LRP1B: variants seen among roughly 807,000 people sequenced by gnomAD.
The protein encoded by LRP1B is LDL receptor related protein 1B.
A neutral mutation model predicts 556.6 loss-of-function variants in LRP1B; 217 were observed. The ratio of observed to expected loss-of-function variants is 0.39; its 90% CI spans 0.35 to 0.44. The LOEUF (loss-of-function observed/expected upper bound fraction) is 0.44. Ranked by LOEUF, LRP1B falls within the 20% of genes least tolerant of loss-of-function variation. The pLI is 1.00. For synonymous variants in LRP1B, 2,047 were observed against 1,865.8 expected, an observed-to-expected ratio of 1.10 and a Z score of -2.50; for missense variants, 5,053 against 5,620.8, an observed-to-expected ratio of 0.90 and a Z score of 3.23.
At chr2:140,916,854 T>C (rs1415133923) in intron 21 of LRP1B, among the ~76,000 whole-genome samples, 2 of 152,198 alleles carry the variant, frequency 1.3e-5, no homozygotes, top group South Asian at 2.1e-4. Context: ...TATTTTCTTT[T>C]CACCACTTAA....
chr2:142,107,748 C>T (rs1233495050), intron 1 of LRP1B, among the ~76,000 whole-genome samples: 1 of 151,498 alleles, frequency 6.6e-6, no homozygotes, highest in Non-Finnish European at 1.5e-5. Flanking sequence ...CTGTCTCAGC[C>T]CCCTGAGTAG....
intron 1 of LRP1B, among the ~76,000 whole-genome samples, chr2:142,051,479 G>GTTT (rs540052313): frequency 1.4e-4 from 5 of 35,798 alleles, no homozygotes; most frequent in African/African-American, 3.3e-4. Flanking sequence ...TTGTTTTTTT[G>GTTT]TTTTTTTTTT....
chr2:141,281,899 C>A (rs777860038), intron 3 of LRP1B, among the ~76,000 whole-genome samples: 1 of 151,774 alleles, frequency 6.6e-6, no homozygotes, highest in African/African-American at 2.4e-5. Context: ...GTTTCTAAAC[C>A]GTAAAGTGAT....
intron 58 of LRP1B, among the ~76,000 whole-genome samples, 197 bp downstream of exon 58, chr2:140,487,414 AAGTAAT>A (rs754304880): frequency 7.2e-5 from 11 of 152,090 alleles, no homozygotes; most frequent in Non-Finnish European, 1.3e-4. Context: ...ATGTTATTGC[AAGTAAT>A]AGTGTTATAA....
At chr2:140,434,429 C>T (rs781395663) in intron 66 of LRP1B, among the ~76,000 whole-genome samples, 14 of 151,974 alleles carry the variant, frequency 9.2e-5, no homozygotes, top group Admixed American at 2.0e-4. Context: ...ATGAAGATTT[C>T]TGAGGAATTA....
rs76183804 is a variant in LRP1B at position 142,072,907 on chromosome 2, A to G, written c.82+57741T>C. The stretch of plus-strand genomic sequence containing the variant: ...TCTTTAAAAACCAAACAAAATCTCT[A>G]TGCCTGTAATTATTTCCTTCAGGAA... On this transcript the variant is annotated intron_variant, in intron 1 of 90. Coordinates refer to ENST00000389484, the MANE Select transcript of LRP1B (RefSeq NM_018557.3). 2.1e-3 allele frequency among the ~76,000 whole-genome samples: 324 copies of G among 152,202 alleles called. 15 individuals are homozygous for G. The East Asian group carries it at 0.06, about 28-fold the overall frequency.
intron 1 of LRP1B, among the ~76,000 whole-genome samples, chr2:141,891,889 C>T (rs1336403513): frequency 1.3e-5 from 2 of 152,002 alleles, no homozygotes; most frequent in Non-Finnish European, 2.9e-5. Context: ...TGTTATTCTA[C>T]AGACAGATCA....
chr2:140,388,446 T>C (rs1288326389), intron 66 of LRP1B, among the ~76,000 whole-genome samples: 1 of 152,142 alleles, frequency 6.6e-6, no homozygotes, highest in Non-Finnish European at 1.5e-5. Context: ...CCATTTTGTA[T>C]TTTTTCTATA....
At chr2:140,577,625 T>C (rs987535304) in intron 43 of LRP1B, among the ~76,000 whole-genome samples, 2 of 151,942 alleles carry the variant, frequency 1.3e-5, no homozygotes, top group Admixed American at 6.5e-5. Flanking sequence ...CTCACTATTT[T>C]ACTCAGGCTA....
chr2:141,910,443 T>C (rs146211044), intron 1 of LRP1B, among the ~76,000 whole-genome samples: 2 of 152,210 alleles, frequency 1.3e-5, no homozygotes, highest in East Asian at 3.9e-4. Flanking sequence ...TTATTATGAG[T>C]ATCCCCAAAA....
chr2:141,851,416 A>T (rs1048873322), intron 1 of LRP1B, among the ~76,000 whole-genome samples: 6 of 151,844 alleles, frequency 4.0e-5, no homozygotes, highest in Admixed American at 2.0e-4. Context: ...ATTCTGCTAT[A>T]CACTGAAATA....
At chr2:141,649,960 A>G (rs1435391335) in intron 2 of LRP1B, among the ~76,000 whole-genome samples, 3 of 152,198 alleles carry the variant, frequency 2.0e-5, no homozygotes, top group Non-Finnish European at 4.4e-5. Flanking sequence ...CAGATGGATC[A>G]TCTGAGGTCA....
At chr2:141,844,318 C>CT (rs1184126140) in intron 1 of LRP1B, among the ~76,000 whole-genome samples, 7 of 152,008 alleles carry the variant, frequency 4.6e-5, no homozygotes, top group African/African-American at 1.7e-4. Flanking sequence ...TTACAGAACT[C>CT]TTTATCATTT....
intron 2 of LRP1B, among the ~76,000 whole-genome samples, chr2:141,605,054 G>A (rs868802397): frequency 6.6e-5 from 10 of 152,028 alleles, no homozygotes; most frequent in Middle Eastern, 3.4e-3. Flanking sequence ...GGGTGGGAAC[G>A]TTGCCAGCCA....
Position 141,636,236 on chromosome 2 carries a change from A to G in LRP1B, c.206-155703T>C, listed in dbSNP as rs138004187. Among the ~76,000 whole-genome samples, 12 of 152,290 alleles carry G rather than the reference A, an allele frequency of 7.9e-5. No homozygotes were observed. In the East Asian group the frequency reaches 2.3e-3, roughly 29 times the overall value. On this transcript the variant is annotated intron_variant, in intron 2 of 90. Coordinates refer to ENST00000389484, the MANE Select transcript of LRP1B (RefSeq NM_018557.3). ...TGGGAGTCACCAATAAATTAGTGGT[A>G]TACAAAAAGGATTACTATCTGGAAT...
chr2:140,320,294 C>T (rs1680034776), intron 82 of LRP1B, among the ~76,000 whole-genome samples: 1 of 152,144 alleles, frequency 6.6e-6, no homozygotes, highest in Admixed American at 6.6e-5. Flanking sequence ...AACGCTTCGG[C>T]TCTGCATATC....
intron 25 of LRP1B, among the ~76,000 whole-genome samples, chr2:140,869,160 A>T (rs1193711422): frequency 3.3e-5 from 5 of 151,996 alleles, no homozygotes; most frequent in Non-Finnish European, 7.4e-5. Flanking sequence ...AAAACCCCAG[A>T]CTCAGCCTCA....
At chr2:141,683,419 T>C (rs1033775996) in intron 2 of LRP1B, among the ~76,000 whole-genome samples, 2 of 152,136 alleles carry the variant, frequency 1.3e-5, no homozygotes, top group African/African-American at 4.8e-5. Context: ...AGATTTTAAA[T>C]ATGCTGCTGC....
At chr2:141,944,555 T>C (rs1700901632) in intron 1 of LRP1B, among the ~76,000 whole-genome samples, 1 of 152,106 alleles carries the variant, frequency 6.6e-6, no homozygotes, top group African/African-American at 2.4e-5. Flanking sequence ...AGCACAGTGA[T>C]TTAAATTTGA....
Sources: gnomAD v4.1 joint callset for allele counts (sites outside exome capture counted in the v4.1 genomes callset) on GRCh38, gnomAD v4.1.1 for gene constraint, MANE v1.5 for transcripts, NCBI Gene and HGNC (gene_info 2026-07-23, HGNC 2026-07-21) for gene names.